PRICKLE2: variants seen among roughly 807,000 people sequenced by gnomAD.
The protein encoded by PRICKLE2 is prickle planar cell polarity protein 2.
Under a neutral mutation model 81.4 loss-of-function variants are expected in PRICKLE2, and 21 were observed. The ratio of observed to expected loss-of-function variants is 0.26; its 90% CI spans 0.18 to 0.37. The LOEUF (loss-of-function observed/expected upper bound fraction) is 0.37, where lower values mean the gene tolerates loss of function less well. PRICKLE2 is among the 10% of genes least tolerant of loss of function. The pLI, the probability that PRICKLE2 is intolerant of heterozygous loss-of-function variation, is 1.00. For synonymous variants in PRICKLE2, 456 were observed against 421.5 expected (o/e 1.08, Z -1.00); for missense variants, 940 against 1,109.0 (o/e 0.85, Z 2.16).
At chr3:64,134,579 T>A (rs1232494397) in intron 7 of PRICKLE2, among the ~76,000 whole-genome samples, 1 of 143,142 alleles carries the variant, frequency 7.0e-6, no homozygotes, top group Admixed American at 7.2e-5. Flanking sequence ...GCCTGTAGTG[T>A]CCTGCACCCC....
At chr3:64,243,296 A>C (rs1662129369) in intron 2 of PRICKLE2, among the ~76,000 whole-genome samples, 1 of 152,206 alleles carries the variant, frequency 6.6e-6, no homozygotes, top group South Asian at 2.1e-4. Context: ...TTGTTGTTGG[A>C]GGCTGTGCCA....
At chr3:64,145,290 T>C (rs1258181274) in intron 7 of PRICKLE2, 1 of 146,580 alleles carries the variant, frequency 6.8e-6, no homozygotes, top group East Asian at 2.0e-4. Flanking sequence ...ATATAATATA[T>C]TTGTATATAT....
At chr3:64,186,242 T>A (rs2078230377) in intron 2 of PRICKLE2, among the ~76,000 whole-genome samples, 1 of 152,224 alleles carries the variant, frequency 6.6e-6, no homozygotes, top group South Asian at 2.1e-4. Flanking sequence ...GCAGCCACTT[T>A]AAAAACCCCA....
chr3:64,211,949 G>C (rs912497855), intron 1 of PRICKLE2, among the ~76,000 whole-genome samples: 1 of 152,206 alleles, frequency 6.6e-6, no homozygotes, highest in Non-Finnish European at 1.5e-5. Flanking sequence ...CAGGAGTCTA[G>C]GATGGTAACA....
intron 7 of PRICKLE2, among the ~76,000 whole-genome samples, chr3:64,140,721 T>C (rs191875132): frequency 5.3e-5 from 8 of 152,282 alleles, no homozygotes; most frequent in Non-Finnish European, 1.0e-4. Context: ...CTGGACCATC[T>C]CTGCTTGTCT....
intron 1 of PRICKLE2, among the ~76,000 whole-genome samples, chr3:64,204,164 A>C (rs976550241): frequency 6.6e-6 from 1 of 152,168 alleles, no homozygotes; most frequent in African/African-American, 2.4e-5. Flanking sequence ...TACAATACAC[A>C]TAACAAGCCT....
At chr3:64,167,353 T>C (rs2077851949) in intron 2 of PRICKLE2, among the ~76,000 whole-genome samples, 2 of 152,218 alleles carry the variant, frequency 1.3e-5, no homozygotes, top group South Asian at 4.1e-4. Flanking sequence ...TTTGCTCCAT[T>C]TAGACATTCC....
intron 2 of PRICKLE2, among the ~76,000 whole-genome samples, chr3:64,196,176 AATAT>A (rs2078449638): frequency 2.0e-5 from 3 of 152,214 alleles, no homozygotes; most frequent in African/African-American, 7.2e-5. Context: ...TTCTTGGGTC[AATAT>A]GAGTAGAACG....
intron 7 of PRICKLE2, among the ~76,000 whole-genome samples, chr3:64,128,179 TAA>T (rs2077140373): frequency 6.6e-6 from 1 of 152,140 alleles, no homozygotes; most frequent in South Asian, 2.1e-4. Context: ...TGGCCTGGTC[TAA>T]GAGTGCCCAC....
chr3:64,098,891 T>C lies in PRICKLE2; in HGVS notation c.*160A>G. 1 of 747,974 alleles carries C rather than the reference T, an allele frequency of 1.3e-6. No individual in the cohort carries two copies. Among genetic ancestry groups the C allele is most frequent in the African/African-American group, 1.7e-5 (1 of 57,380 alleles). The allele number at this position is 747,974 out of a possible 1,614,324, so 46.3% of individuals were successfully genotyped here. ...CAACATGCCAAGAACTGTGACTACC[T>C]ATTGAGTCAACCTGTAACCTTGCCT... On this transcript the variant is annotated 3_prime_UTR_variant, in exon 8 of 8. Coordinates refer to ENST00000638394, the MANE Select transcript of PRICKLE2 (RefSeq NM_198859.4).
intron 2 of PRICKLE2, among the ~76,000 whole-genome samples, chr3:64,242,025 G>T (rs1233314915): frequency 2.0e-5 from 3 of 151,970 alleles, no homozygotes; most frequent in African/African-American, 7.3e-5. Flanking sequence ...ATATTATTTC[G>T]CTCAGATTAG....
At chr3:64,178,764 G>T (rs185853307) in intron 2 of PRICKLE2, among the ~76,000 whole-genome samples, 445 of 152,248 alleles carry the variant, frequency 2.9e-3, no homozygotes, top group Non-Finnish European at 5.6e-3. Context: ...ATGGGGTTAG[G>T]TTCCTGTGAG....
At chr3:64,170,895 T>C (rs573197705) in intron 2 of PRICKLE2, among the ~76,000 whole-genome samples, 1 of 151,030 alleles carries the variant, frequency 6.6e-6, no homozygotes, top group East Asian at 2.0e-4. Flanking sequence ...AACAAAACAA[T>C]ACAAAACAAA....
At position 64,132,607 on chromosome 3, in the gene PRICKLE2, G is replaced by A. The variant is rs554038093; in HGVS notation, c.1660+14223C>T. The stretch of plus-strand genomic sequence containing the variant: ...CATGGTAGACACTCAATAAATATTT[G>A]TTGAAAACATGAATATAAAACAACT... On this transcript the variant is annotated intron_variant, in intron 7 of 7. Coordinates refer to ENST00000638394, the MANE Select transcript of PRICKLE2 (RefSeq NM_198859.4). 2.7e-3 allele frequency among the ~76,000 whole-genome samples: 408 copies of A among 152,318 alleles called. 1 individual carries two copies. The highest frequency in any genetic ancestry group is 9.4e-3 in the African/African-American group (389 of 41,574).
chr3:64,181,387 C>T (rs902762532), intron 2 of PRICKLE2, among the ~76,000 whole-genome samples: 6 of 152,166 alleles, frequency 3.9e-5, no homozygotes, highest in Admixed American at 6.5e-5. Context: ...ACTAAAACAA[C>T]GCTCATCCTC....
intron 7 of PRICKLE2, among the ~76,000 whole-genome samples, chr3:64,114,850 A>T (rs2076910316): frequency 6.6e-6 from 1 of 152,090 alleles, no homozygotes; most frequent in Non-Finnish European, 1.5e-5. Context: ...AGAGGCCAAC[A>T]TTCTTAAGAT....
chr3:64,151,396 G>A (rs1239007879), intron 6 of PRICKLE2, among the ~76,000 whole-genome samples: 1 of 152,222 alleles, frequency 6.6e-6, no homozygotes, highest in African/African-American at 2.4e-5. Context: ...GCCAATAAAT[G>A]TGCTGGGCAG....
intron 2 of PRICKLE2, among the ~76,000 whole-genome samples, chr3:64,238,346 G>T (rs1243991240): frequency 6.6e-6 from 1 of 151,890 alleles, no homozygotes; most frequent in African/African-American, 2.4e-5. Flanking sequence ...AAATTAGCTG[G>T]GCATGATGGT....
intron 7 of PRICKLE2, among the ~76,000 whole-genome samples, chr3:64,110,939 GAGAC>G (rs1221136417): frequency 7.9e-6 from 1 of 127,236 alleles, no homozygotes; most frequent in African/African-American, 3.0e-5. Context: ...TCCAGCCTGG[GAGAC>G]AGACAGACTC....
Sources: allele counts gnomAD v4.1 joint callset (sites outside exome capture counted in the v4.1 genomes callset), GRCh38; gene constraint gnomAD v4.1.1; transcripts MANE v1.5; gene names NCBI Gene and HGNC (gene_info 2026-07-23, HGNC 2026-07-21).